TOP1: variants seen among roughly 807,000 people sequenced by gnomAD.
TOP1 encodes DNA topoisomerase 1.
In TOP1, 10 loss-of-function variants were observed where a neutral mutation model predicts 111.1. The observed-to-expected ratio is 0.09, with a 90% confidence interval of 0.06 to 0.15. The LOEUF (loss-of-function observed/expected upper bound fraction) is 0.15, where lower values mean the gene tolerates loss of function less well. Among genes scored for constraint, TOP1 ranks in the 10% least tolerant of loss-of-function variants. The probability of loss-of-function intolerance (pLI) is 1.00; values close to 1 mark genes in which losing one functional copy is unlikely to be tolerated. For missense variants in TOP1, 474 were observed against 926.7 expected, an observed-to-expected ratio of 0.51 and a Z score of 6.34; for synonymous variants, 271 against 302.9, an observed-to-expected ratio of 0.89 and a Z score of 1.10.
chr20:41,054,041 A>G (rs2033438118), intron 2 of TOP1, among the ~76,000 whole-genome samples: 2 of 152,208 alleles, frequency 1.3e-5, no homozygotes. Flanking sequence ...GGAAATCGTT[A>G]CCACCCAGAG....
At position 41,100,252 on chromosome 20, in the gene TOP1, G is replaced by A. The variant is rs1258649896; in HGVS notation, c.1163+9G>A. On this transcript the variant is annotated intron_variant, in intron 12 of 20. Transcript: ENST00000361337. The surrounding 1 kb of genome is among the most constrained non-coding windows in gnomAD (Gnocchi z 4.4). Reference sequence around the variant, plus strand: ...ATCATCAACTGTAGCAAGTGAGCTCGCACTTCATCCTATGGGCCAAAAAGG... The same window carrying A: ...ATCATCAACTGTAGCAAGTGAGCTCACACTTCATCCTATGGGCCAAAAAGG... The A allele has an allele frequency of 1.1e-5, 18 of 1,607,602 alleles. No homozygotes were observed. The highest frequency in any genetic ancestry group is 2.2e-5 in the East Asian group (1 of 44,790).
chr20:41,060,750 T>G (rs1450669328), intron 2 of TOP1, among the ~76,000 whole-genome samples: 1 of 152,234 alleles, frequency 6.6e-6, no homozygotes, highest in Admixed American at 6.5e-5. Flanking sequence ...GCATATAACC[T>G]ACACAATCCT....
intron 3 of TOP1, chr20:41,072,255 G>A: frequency 2.0e-6 from 2 of 985,250 alleles, no homozygotes; most frequent in Non-Finnish European, 2.4e-6. Context: ...TGTCTATTGT[G>A]TATGGAAAAG....
intron 2 of TOP1, among the ~76,000 whole-genome samples, chr20:41,053,469 C>T (rs960806656): frequency 6.6e-6 from 1 of 151,998 alleles, no homozygotes; most frequent in African/African-American, 2.4e-5. Flanking sequence ...TTTTTTTCCC[C>T]CAAAATGCCC....
rs530890689 is a variant in TOP1 at position 41,117,178 on chromosome 20, C to T, written c.1822+786C>T. Among the ~76,000 whole-genome samples, 20 of 152,016 alleles carry T rather than the reference C, an allele frequency of 1.3e-4. No homozygotes were observed. The East Asian group carries it at 3.9e-3, about 29-fold the overall frequency. ...ACCAGCCTGGGCAATGTAGTGAGACCTTGTCTCTACTAAAATTTCTAAAAA... is the reference window on the plus strand; with the variant it reads ...ACCAGCCTGGGCAATGTAGTGAGACTTTGTCTCTACTAAAATTTCTAAAAA... On this transcript the variant is annotated intron_variant, in intron 17 of 20. Coordinates refer to ENST00000361337, the MANE Select transcript of TOP1 (RefSeq NM_003286.4).
In TOP1 at chr20:41,078,387, T is replaced by C. The variant is rs2033753077; in HGVS notation, c.335+750T>C. 6.6e-6 allele frequency among the ~76,000 whole-genome samples: 1 copy of C among 152,238 alleles called. No individual in the cohort carries two copies. Among genetic ancestry groups the C allele is most frequent in the African/African-American group, 2.4e-5 (1 of 41,478 alleles). On this transcript the variant is annotated intron_variant, in intron 5 of 20. Coordinates refer to ENST00000361337, the MANE Select transcript of TOP1 (RefSeq NM_003286.4). The surrounding 1 kb of genome is among the most constrained non-coding windows in gnomAD (Gnocchi z 5.3). Reference sequence around the variant, plus strand: ...AGGATTTATTAGAAATGGTTGTAAGTGTTTGCATTATTGACTGGGACAAAA... The same window carrying C: ...AGGATTTATTAGAAATGGTTGTAAGCGTTTGCATTATTGACTGGGACAAAA...
rs1271310949 is a variant in TOP1 at position 41,110,864 on chromosome 20, C to T, written c.1309-1918C>T. ...TTCAGGGCATTGAACACTGCAGGGA[C>T]AAGCATACTTCTTGGAGGCCAGCCA... On this transcript the variant is annotated intron_variant, in intron 13 of 20. Transcript: ENST00000361337. The surrounding 1 kb of genome is among the most constrained non-coding windows in gnomAD (Gnocchi z 4.2). Among the ~76,000 whole-genome samples the T allele has an allele frequency of 2.0e-5, 3 of 152,138 alleles. No individual in the cohort carries two copies. Among genetic ancestry groups the T allele is most frequent in the Middle Eastern group, 6.3e-3 (2 of 316 alleles).
intron 2 of TOP1, among the ~76,000 whole-genome samples, chr20:41,047,049 T>A (rs2033343545): frequency 6.6e-6 from 1 of 152,194 alleles, no homozygotes; most frequent in Non-Finnish European, 1.5e-5. Context: ...ACGGGAGTTG[T>A]AGGTAAGTCA....
At chr20:41,111,094 G>A (rs544633850) in intron 13 of TOP1, among the ~76,000 whole-genome samples, 4 of 152,280 alleles carry the variant, frequency 2.6e-5, no homozygotes, top group Admixed American at 2.6e-4. Flanking sequence ...TGTGACTAAG[G>A]AACTGAGCAA....
At chr20:41,107,595 GTTCT>G (rs1471863209) in intron 13 of TOP1, among the ~76,000 whole-genome samples, 2 of 151,868 alleles carry the variant, frequency 1.3e-5, no homozygotes, top group East Asian at 3.9e-4. Context: ...ATAATTTCAT[GTTCT>G]TTCTAGATTT....
Position 41,080,295 on chromosome 20 carries a change from A to G in TOP1, c.431+115A>G. ...AAACTGCATTAATTGGCTTTTACTC[A>G]TTTGGAATTTGTGATTAATGGACTG... On this transcript the variant is annotated intron_variant, in intron 6 of 20. Coordinates refer to ENST00000361337, the MANE Select transcript of TOP1 (RefSeq NM_003286.4). This position sits in a 1 kb window ranked among gnomAD's most constrained non-coding sequence, Gnocchi z 5.0. The G allele has an allele frequency of 1.6e-6, 1 of 619,226 alleles. No homozygotes were observed. Among genetic ancestry groups the G allele is most frequent in the Non-Finnish European group, 2.8e-6 (1 of 363,496 alleles). 38.4% of individuals were successfully genotyped at this position (619,226 alleles called of 1,614,324 possible). A position where few individuals can be genotyped will look rare whatever the true frequency, so the allele number is the denominator to read the frequency against.
rs1216244337 is a variant in TOP1, at chr20:41,092,860, C to T, written c.730+273C>T. Among the ~76,000 whole-genome samples the T allele has an allele frequency of 6.6e-6, 1 of 152,136 alleles. No individual in the cohort carries two copies. Among genetic ancestry groups the T allele is most frequent in the Non-Finnish European group, 1.5e-5 (1 of 68,030 alleles). ...TGGCTAACAGTGTGTGGTCCACAAG[C>T]TGAAGGTTTTGATCTGAACTTCATT... On this transcript the variant is annotated intron_variant, in intron 9 of 20. Coordinates refer to ENST00000361337, the MANE Select transcript of TOP1 (RefSeq NM_003286.4). The surrounding 1 kb of genome is among the most constrained non-coding windows in gnomAD (Gnocchi z 4.3).
chr20:41,038,625 T>C (rs183082115), intron 2 of TOP1, among the ~76,000 whole-genome samples: 1 of 152,160 alleles, frequency 6.6e-6, no homozygotes, highest in Middle Eastern at 3.2e-3. Context: ...GCAACTTCAG[T>C]TGTCCAGTGA....
chr20:41,077,087 G>A (rs1414160308), intron 4 of TOP1, among the ~76,000 whole-genome samples: 3 of 152,080 alleles, frequency 2.0e-5, no homozygotes, highest in African/African-American at 7.2e-5. Flanking sequence ...TTTTTTGTTT[G>A]TTTGTTTTTT....
rs2034076815 is a variant in TOP1, at chr20:41,102,361, G to A, written c.1308+1008G>A. 1.3e-5 allele frequency among the ~76,000 whole-genome samples: 2 copies of A among 152,284 alleles called. No individual in the cohort carries two copies. The highest frequency in any genetic ancestry group is 4.1e-4 in the South Asian group (2 of 4,824). On this transcript the variant is annotated intron_variant, in intron 13 of 20. Coordinates refer to ENST00000361337, the MANE Select transcript of TOP1 (RefSeq NM_003286.4). This position sits in a 1 kb window ranked among gnomAD's most constrained non-coding sequence, Gnocchi z 4.0. ...GTGGTGGCTCAAGCCTGTAATCCCA[G>A]CACTTTGGGAGGCCGAGATGGGCGG...
In TOP1 at chr20:41,098,386, G is replaced by C. The variant is rs1168359175; in HGVS notation, c.975+49G>C. 1 of 1,587,760 alleles carries C rather than the reference G, an allele frequency of 6.3e-7. No homozygotes were observed. Among genetic ancestry groups the C allele is most frequent in the Non-Finnish European group, 8.6e-7 (1 of 1,165,700 alleles). On this transcript the variant is annotated intron_variant, in intron 11 of 20. Transcript: ENST00000361337. This position sits in a 1 kb window ranked among gnomAD's most constrained non-coding sequence, Gnocchi z 5.7. ...CTGGAGAATTCTGGAATTGTGATTG[G>C]TTCATTTAACTTTCTTCTTGGTTCT...
chr20:41,084,554 A>G lies in TOP1; in HGVS notation c.600A>G (p.Glu200=). 6.4e-7 allele frequency: 1 copy of G among 1,566,630 alleles called. No individual in the cohort carries two copies. The highest frequency in any genetic ancestry group is 8.7e-7 in the Non-Finnish European group (1 of 1,154,184). ...NKKKKPKKEE[E]QKWKWWEEER... ...AAAAGAAGCCGAAGAAAGAAGAGGA[A>G]CAGAAGTGGAAATGGTAACATCTCA... Residue 200 remains glutamate (E), a synonymous_variant, in exon 8 of 21, where the codon GAA becomes GAG. Transcript: ENST00000361337.
At chr20:41,093,562 C>G (rs746861683) in intron 9 of TOP1, among the ~76,000 whole-genome samples, 2 of 152,138 alleles carry the variant, frequency 1.3e-5, no homozygotes, top group South Asian at 4.1e-4. Flanking sequence ...TTCACCACCC[C>G]ATTTCTCCAC....
In TOP1 at chr20:41,112,981, C is replaced by T; in HGVS notation, c.1452+56C>T. ...GTGTTGAGCTTAACAAAGGGAGTTTCTGCTCTGCCCCAGGCCCTGTGCCAC... is the reference window on the plus strand; with the variant it reads ...GTGTTGAGCTTAACAAAGGGAGTTTTTGCTCTGCCCCAGGCCCTGTGCCAC... On this transcript the variant is annotated intron_variant, in intron 14 of 20. Coordinates refer to ENST00000361337, the MANE Select transcript of TOP1 (RefSeq NM_003286.4). This position sits in a 1 kb window ranked among gnomAD's most constrained non-coding sequence, Gnocchi z 5.8. 1 of 1,576,762 alleles carries T rather than the reference C, an allele frequency of 6.3e-7. No individual in the cohort carries two copies. The highest frequency in any genetic ancestry group is 2.2e-5 in the East Asian group (1 of 44,566).
Sources: allele counts gnomAD v4.1 joint callset (sites outside exome capture counted in the v4.1 genomes callset), GRCh38; gene constraint gnomAD v4.1.1; non-coding constraint Gnocchi (gnomAD v3.1); transcripts MANE v1.5; gene names NCBI Gene and HGNC (gene_info 2026-07-23, HGNC 2026-07-21).